FBXL4: variants seen among roughly 807,000 people sequenced by gnomAD.
FBXL4 encodes the protein F-box and leucine rich repeat protein 4.
Under a neutral mutation model 58.9 loss-of-function variants are expected in FBXL4, and 40 were observed. The observed-to-expected ratio is 0.68, with a 90% confidence interval of 0.53 to 0.88. The LOEUF is 0.88. Ranked by LOEUF, FBXL4 falls within the 40% of genes least tolerant of loss-of-function variation. The pLI, the probability that FBXL4 is intolerant of heterozygous loss-of-function variation, is 0.00. For missense variants in FBXL4, 676 were observed against 734.4 expected (o/e 0.92, Z 0.92); for synonymous variants, 263 against 265.5 (o/e 0.99, Z 0.09).
rs143247349 is a variant in FBXL4 at position 98,891,542 on chromosome 6, C to T, written c.1317+7726G>A. ...GAATACATCTTTCCTCACAGATACT[C>T]GACTGATCAATTTGCATAACAACCT... On this transcript the variant is annotated intron_variant, in intron 7 of 9. Coordinates refer to ENST00000369244, the MANE Select transcript of FBXL4 (RefSeq NM_001278716.2). Among the ~76,000 whole-genome samples the T allele has an allele frequency of 3.5e-4, 53 of 152,130 alleles. 1 individual carries two copies. In the South Asian group the frequency reaches 8.1e-3, roughly 23 times the overall value.
intron 4 of FBXL4, among the ~76,000 whole-genome samples, chr6:98,922,515 C>T (rs368210142): frequency 5.9e-5 from 9 of 152,138 alleles, no homozygotes; most frequent in South Asian, 4.1e-4. Flanking sequence ...TAGTACATGA[C>T]GGAGTTTTCC....
chr6:98,878,998 C>T (rs1429678503), intron 8 of FBXL4, among the ~76,000 whole-genome samples: 1 of 152,022 alleles, frequency 6.6e-6, no homozygotes, highest in Non-Finnish European at 1.5e-5. Flanking sequence ...TGGCCTGAGC[C>T]CATACTTAGG....
chr6:98,903,099 T>C (rs1261389681), intron 6 of FBXL4, among the ~76,000 whole-genome samples: 4 of 152,156 alleles, frequency 2.6e-5, no homozygotes, highest in African/African-American at 7.2e-5. Flanking sequence ...AAGCAGCTCA[T>C]CAACATTGGT....
intron 7 of FBXL4, among the ~76,000 whole-genome samples, chr6:98,885,487 T>C (rs1304544467): frequency 2.6e-5 from 4 of 152,130 alleles, no homozygotes; most frequent in African/African-American, 9.7e-5. Context: ...CTACCTAATG[T>C]GGGTGGGCCT....
At chr6:98,898,858 T>C (rs1475351529) in intron 7 of FBXL4, 3 of 985,168 alleles carry the variant, frequency 3.0e-6, no homozygotes, top group Non-Finnish European at 3.6e-6. Context: ...TCATTAACTA[T>C]GGTATTACAA....
In FBXL4 at chr6:98,895,459, A is replaced by T. The variant is rs1009480326; in HGVS notation, c.1317+3809T>A. Among the ~76,000 whole-genome samples, 5 of 152,218 alleles carry T rather than the reference A, an allele frequency of 3.3e-5. No homozygotes were observed. The East Asian group carries it at 9.6e-4, about 29-fold the overall frequency. On this transcript the variant is annotated intron_variant, in intron 7 of 9. Coordinates refer to ENST00000369244, the MANE Select transcript of FBXL4 (RefSeq NM_001278716.2). Reference sequence around the variant, plus strand: ...ACAAATTAGAAATAGTAAGTAGTAAAGAAAATCCTTGTTTTAGGTAAATAG... The same window carrying T: ...ACAAATTAGAAATAGTAAGTAGTAATGAAAATCCTTGTTTTAGGTAAATAG...
intron 1 of FBXL4, among the ~76,000 whole-genome samples, chr6:98,935,633 C>T (rs1250055540): frequency 4.3e-4 from 65 of 149,912 alleles, no homozygotes; most frequent in African/African-American, 1.4e-3. Context: ...ACTAAAAATA[C>T]AAAAAATTAG....
intron 5 of FBXL4, among the ~76,000 whole-genome samples, chr6:98,916,637 GA>G (rs1772363642): frequency 6.6e-6 from 1 of 151,986 alleles, no homozygotes; most frequent in Non-Finnish European, 1.5e-5. Flanking sequence ...ATGGACACAG[GA>G]AGGGGAACAT....
intron 1 of FBXL4, among the ~76,000 whole-genome samples, chr6:98,945,879 G>A (rs904340694): frequency 6.6e-6 from 1 of 152,142 alleles, no homozygotes; most frequent in African/African-American, 2.4e-5. Context: ...AACTCTAGTC[G>A]CAAGTTCTGA....
At chr6:98,894,379 T>C (rs769691249) in intron 7 of FBXL4, among the ~76,000 whole-genome samples, 1 of 152,082 alleles carries the variant, frequency 6.6e-6, no homozygotes, top group Non-Finnish European at 1.5e-5. Context: ...AACTAAAGTG[T>C]CCTCCCTGTC....
At chr6:98,891,472 C>A (rs1771223094) in intron 7 of FBXL4, among the ~76,000 whole-genome samples, 1 of 152,122 alleles carries the variant, frequency 6.6e-6, no homozygotes, top group Non-Finnish European at 1.5e-5. Flanking sequence ...CATTTTGAAG[C>A]CTATTTTTAT....
intron 7 of FBXL4, chr6:98,898,267 A>C: frequency 1.0e-6 from 1 of 983,066 alleles, no homozygotes; most frequent in Non-Finnish European, 1.2e-6. Context: ...GAATAGAAAG[A>C]AGGCCAATAT....
chr6:98,913,936 AAAAG>A (rs142664323), intron 5 of FBXL4, among the ~76,000 whole-genome samples: 31,474 of 151,750 alleles, frequency 0.21, 3,309 homozygotes, highest in African/African-American at 0.26. Context: ...AATAAAGAAA[AAAAG>A]AGAGAAGAAT....
chr6:98,898,218 AC>A, intron 7 of FBXL4: 3 of 900,360 alleles, frequency 3.3e-6, no homozygotes, highest in Non-Finnish European at 4.0e-6. Flanking sequence ...AGGCAAAAAA[AC>A]AAAAGCCCTG....
In FBXL4 at chr6:98,917,667, G is replaced by A. The variant is rs373308410; in HGVS notation, c.565C>T (p.Arg189Cys). The A allele has an allele frequency of 7.3e-5, 118 of 1,613,146 alleles. No homozygotes were observed. The highest frequency in any genetic ancestry group is 9.4e-5 in the Non-Finnish European group (111 of 1,179,624). ...RPTKVNASQA[R>C]QFKPCIKQIN... ...TGCTTAATACAAGGTTTAAACTGGC[G>A]AGCTTGGGAAGCATTCACCTTCGTA... Residue 189 changes from arginine (R) to cysteine (C), a missense_variant, in exon 5 of 10, where the codon CGC (arginine) becomes TGC (cysteine). By Grantham distance (180) the Arg-to-Cys change is radical. Coordinates refer to ENST00000369244, the MANE Select transcript of FBXL4 (RefSeq NM_001278716.2).
Position 98,917,530 on chromosome 6 carries a change from A to G in FBXL4, c.702T>C (p.Leu234=), listed in dbSNP as rs1554221171. The G allele has an allele frequency of 6.2e-6, 10 of 1,614,068 alleles. No individual in the cohort carries two copies. The highest frequency in any genetic ancestry group is 1.3e-5 in the African/African-American group (1 of 75,048). The change falls in exon 5 of 10, where the codon CTT becomes CTC. Residue 234 remains leucine, a synonymous_variant. Coordinates refer to ENST00000369244, the MANE Select transcript of FBXL4 (RefSeq NM_001278716.2). ...TGTCAATAAGTGAAGTCTTGAGAGA[A>G]AGCACTGGCTTGTCCTTCACACCAT... ...VLHGVKDKPV[L]SLKTSLIDMN...
chr6:98,890,571 T>G (rs901166495), intron 7 of FBXL4, among the ~76,000 whole-genome samples: 3 of 152,090 alleles, frequency 2.0e-5, no homozygotes, highest in Non-Finnish European at 4.4e-5. Context: ...CTAATTAAAT[T>G]TTTTTTGGCT....
chr6:98,942,985 G>A (rs2128413700), intron 1 of FBXL4, among the ~76,000 whole-genome samples: 1 of 152,206 alleles, frequency 6.6e-6, no homozygotes, highest in African/African-American at 2.4e-5. Context: ...TGGAACTGTT[G>A]TATATTCTGA....
intron 1 of FBXL4, among the ~76,000 whole-genome samples, chr6:98,946,219 G>A (rs1035684821): frequency 1.1e-4 from 17 of 152,080 alleles, no homozygotes; most frequent in African/African-American, 4.1e-4. Context: ...AGAATACACG[G>A]GAATTTAGGG....
Sources: gnomAD v4.1 joint callset for allele counts (sites outside exome capture counted in the v4.1 genomes callset) on GRCh38, gnomAD v4.1.1 for gene constraint, MANE v1.5 for transcripts, NCBI Gene and HGNC (gene_info 2026-07-23, HGNC 2026-07-21) for gene names.